Variants in GJA8 observed in about 807,000 individuals in gnomAD.
GJA8 encodes gap junction protein alpha 8.
GJA8 carries 13 observed loss-of-function variants against 15.3 expected under a neutral mutation model. The observed-to-expected ratio is 0.85, with a 90% CI of 0.55 to 1.35. The LOEUF (loss-of-function observed/expected upper bound fraction) is 1.35. Ranked by LOEUF, GJA8 falls within the 40% of genes most tolerant of loss-of-function variation. The pLI is 0.00. For missense variants in GJA8, 607 were observed against 553.3 expected, an observed-to-expected ratio of 1.10 and a Z score of -0.97; for synonymous variants, 304 against 238.7, an observed-to-expected ratio of 1.27 and a Z score of -2.52.
At position 147,908,135 on chromosome 1, in the gene GJA8, C is replaced by A. The variant is rs375604355; in HGVS notation, c.180C>A (p.Gly60=). The A allele has an allele frequency of 5.6e-6, 9 of 1,614,102 alleles. No individual in the cohort carries two copies. In the African/African-American group the frequency reaches 1.2e-4, roughly 22 times the overall value. The change falls in exon 2 of 2, where the codon GGC becomes GGA. Residue 60 remains glycine (G), a synonymous_variant. Transcript: ENST00000369235. ...TCGTGTGCAACACCCAGCAGCCTGGCTGCGAGAACGTCTGCTACGACGAGG... is the reference window on the plus strand; with the variant it reads ...TCGTGTGCAACACCCAGCAGCCTGGATGCGAGAACGTCTGCTACGACGAGG... ...SDFVCNTQQP[G]CENVCYDEAF...
downstream of GJA8, among the ~76,000 whole-genome samples, chr1:147,913,506 G>A (rs1466418483): frequency 4.6e-5 from 7 of 152,202 alleles, no homozygotes; most frequent in African/African-American, 1.7e-4. Flanking sequence ...ATATGGAGAA[G>A]CGTCAACCCC....
chr1:147,912,622 G>C (rs1553243604), downstream of GJA8, among the ~76,000 whole-genome samples: 1 of 151,972 alleles, frequency 6.6e-6, no homozygotes. Flanking sequence ...AATCCCCATG[G>C]GCTTCATTAT....
chr1:147,907,885 A>G, intron 1 of GJA8, 60 bp from the exon 2 acceptor site: 3 of 1,194,760 alleles, frequency 2.5e-6, no homozygotes, highest in Non-Finnish European at 3.7e-6. Context: ...GCAAAAACAG[A>G]TATTGACTCA....
rs142510995 is a variant in GJA8 at position 147,906,942 on chromosome 1, T to C, written c.-11-1003T>C. ...CTCTGTTGCCCAGGATGGAGTATAG[T>C]GGCACATATCAGGGTTCACTGCAAC... On this transcript the variant is annotated intron_variant, in intron 1 of 1. Transcript: ENST00000369235. 2.7e-3 allele frequency among the ~76,000 whole-genome samples: 404 copies of C among 152,206 alleles called. 1 individual carries two copies. Among genetic ancestry groups the C allele is most frequent in the African/African-American group, 9.3e-3 (388 of 41,514 alleles).
chr1:147,905,223 C>T (rs1393877377), intron 1 of GJA8, among the ~76,000 whole-genome samples: 1 of 152,208 alleles, frequency 6.6e-6, no homozygotes, highest in Admixed American at 6.5e-5. Flanking sequence ...ACAAGGATTA[C>T]TATTAGAACC....
intron 1 of GJA8, 98 bp from the exon 2 acceptor site, chr1:147,907,847 A>G: frequency 2.4e-6 from 2 of 849,790 alleles, no homozygotes; most frequent in South Asian, 2.7e-5. Flanking sequence ...CGTTCTGGCA[A>G]CTTGGAAAGG....
At position 147,905,798 on chromosome 1, in the gene GJA8, G is replaced by C. The variant is rs1571173522; in HGVS notation, c.-11-2147G>C. 7.9e-5 allele frequency among the ~76,000 whole-genome samples: 12 copies of C among 152,334 alleles called. No homozygotes were observed. The South Asian group carries it at 2.5e-3, about 32-fold the overall frequency. On this transcript the variant is annotated intron_variant, in intron 1 of 1. Transcript: ENST00000369235. ...ATTGAGTTGCTGGTTCCGATTCCGAGCTGCTGGGTCCTTCCCCCTCTCCAT... is the reference window on the plus strand; with the variant it reads ...ATTGAGTTGCTGGTTCCGATTCCGACCTGCTGGGTCCTTCCCCCTCTCCAT...
At chr1:147,907,621 A>T (rs1472324451) in intron 1 of GJA8, among the ~76,000 whole-genome samples, 1 of 152,198 alleles carries the variant, frequency 6.6e-6, no homozygotes, top group Non-Finnish European at 1.5e-5. Context: ...GTCAACAATG[A>T]ATCCTTATTT....
rs782648568 is a variant in GJA8, at chr1:147,908,066, T to A, written c.111T>A (p.Leu37=). The A allele has an allele frequency of 5.0e-6, 8 of 1,614,056 alleles. No homozygotes were observed. In the Admixed American group the frequency reaches 1.3e-4, roughly 27 times the overall value. The change falls in exon 2 of 2, where the codon CTT becomes CTA. Residue 37 remains leucine (L), a synonymous_variant. Coordinates refer to ENST00000369235, the MANE Select transcript of GJA8 (RefSeq NM_005267.5). ...TTTTCATCTTCCGGATCCTCATCCT[T>A]GGCACGGCCGCAGAGTTCGTGTGGG... The part of the protein sequence containing the change: ...TVLFIFRILI[L]GTAAEFVWGD...
intron 1 of GJA8, among the ~76,000 whole-genome samples, chr1:147,905,113 T>G (rs1177591589): frequency 1.3e-5 from 2 of 152,190 alleles, no homozygotes; most frequent in Admixed American, 1.3e-4. Context: ...TTTTTACAAG[T>G]TCTTAATTTT....
downstream of GJA8, among the ~76,000 whole-genome samples, chr1:147,913,119 T>C (rs1441565419): frequency 2.0e-5 from 3 of 152,152 alleles, no homozygotes; most frequent in Non-Finnish European, 4.4e-5. Flanking sequence ...TTACCTGCTC[T>C]ATGAGACAAT....
Position 147,908,696 on chromosome 1 carries a change from T to A in GJA8, c.741T>A (p.Ile247=), listed in dbSNP as rs80358202. The part of the protein sequence containing the change: ...KRPVEQPLGE[I]PEKSLHSIAV... ...CTGTAGAGCAGCCCCTGGGGGAGAT[T>A]CCTGAGAAATCCCTCCACTCCATTG... Residue 247 remains isoleucine, a synonymous_variant, in exon 2 of 2, where the codon ATT becomes ATA. Coordinates refer to ENST00000369235, the MANE Select transcript of GJA8 (RefSeq NM_005267.5). The A allele has an allele frequency of 1.1e-5, 17 of 1,613,990 alleles. No individual in the cohort carries two copies. The highest frequency in any genetic ancestry group is 1.4e-5 in the Non-Finnish European group (17 of 1,179,984).
chr1:147,908,177 C>T lies in GJA8; in HGVS notation c.222C>T (p.His74=). The T allele has an allele frequency of 6.2e-7, 1 of 1,614,260 alleles. No homozygotes were observed. Residue 74 remains histidine (H), a synonymous_variant, in exon 2 of 2, where the codon CAC becomes CAT. Transcript: ENST00000369235. The stretch of plus-strand genomic sequence containing the variant: ...ACGACGAGGCCTTTCCCATCTCCCA[C>T]ATTCGCCTCTGGGTGCTGCAGATCA... ...VCYDEAFPIS[H]IRLWVLQIIF...
At position 147,908,504 on chromosome 1, in the gene GJA8, C is replaced by T. The variant is rs1216993015; in HGVS notation, c.549C>T (p.Cys183=). ...YGFRILPLYR[C]SRWPCPNVVD... ...TCCGGATCCTGCCTCTGTACCGCTG[C>T]AGCCGGTGGCCCTGCCCCAATGTGG... Residue 183 remains cysteine, a synonymous_variant, in exon 2 of 2, where the codon TGC becomes TGT. Coordinates refer to ENST00000369235, the MANE Select transcript of GJA8 (RefSeq NM_005267.5). 39 of 1,614,104 alleles carry T rather than the reference C, an allele frequency of 2.4e-5. No homozygotes were observed. Among genetic ancestry groups the T allele is most frequent in the Non-Finnish European group, 3.2e-5 (38 of 1,180,036 alleles).
chr1:147,907,496 G>T (rs1651846633), intron 1 of GJA8, among the ~76,000 whole-genome samples: 1 of 152,156 alleles, frequency 6.6e-6, no homozygotes. Context: ...CAAGAATTGT[G>T]TTGGGAGCCC....
chr1:147,907,181 C>CT (rs1447848667), intron 1 of GJA8, among the ~76,000 whole-genome samples: 2 of 152,178 alleles, frequency 1.3e-5, no homozygotes, highest in Non-Finnish European at 2.9e-5. Context: ...GCCACTGTGC[C>CT]TGGCCTTCAG....
At chr1:147,910,703 G>A (rs972349460), downstream of GJA8, among the ~76,000 whole-genome samples, 15 of 152,084 alleles carry the variant, frequency 9.9e-5, no homozygotes, top group African/African-American at 2.2e-4. Context: ...GCCCAGTTTC[G>A]AGCTGGAGGA....
At chr1:147,906,932 T>C (rs1273325690) in intron 1 of GJA8, among the ~76,000 whole-genome samples, 2 of 152,096 alleles carry the variant, frequency 1.3e-5, no homozygotes, top group Non-Finnish European at 2.9e-5. Context: ...TTGCCCAGGA[T>C]GGAGTATAGT....
At chr1:147,904,601 A>G (rs1028692177) in intron 1 of GJA8, among the ~76,000 whole-genome samples, 11 of 152,210 alleles carry the variant, frequency 7.2e-5, no homozygotes, top group Non-Finnish European at 1.5e-4. Context: ...ATCTCTGAGA[A>G]AGAGAAGAGA....
Sources: allele counts gnomAD v4.1 joint callset (sites outside exome capture counted in the v4.1 genomes callset), GRCh38; gene constraint gnomAD v4.1.1; transcripts MANE v1.5; gene names NCBI Gene and HGNC (gene_info 2026-07-23, HGNC 2026-07-21).